The following MYO3B variants were observed in gnomAD, a reference collection of about 807,000 sequenced individuals.
The protein encoded by MYO3B is myosin-IIIb.
A neutral mutation model predicts 174.6 loss-of-function variants in MYO3B; 156 were observed. The observed-to-expected ratio is 0.89, with a 90% confidence interval of 0.78 to 1.02. The LOEUF (loss-of-function observed/expected upper bound fraction) is 1.02. MYO3B is among the 50% of genes least tolerant of loss of function. MYO3B has a pLI of 0.00. For synonymous variants in MYO3B, 563 were observed against 569.1 expected (o/e 0.99, Z 0.15); for missense variants, 1,632 against 1,639.4 (o/e 1.00, Z 0.08).
Position 170,407,834 on chromosome 2 carries a change from G to A in MYO3B, c.2640G>A (p.Leu880=), listed in dbSNP as rs931055560. Residue 880 remains leucine, a synonymous_variant, in exon 22 of 35, where the codon CTG becomes CTA. Transcript: ENST00000408978. ...KLLQQLFSIP[L]TKTGNLAQTR... ...TTCAGCAGCTCTTCTCAATCCCTCT[G>A]ACCAAAACAGGTACTTGGGAACCCT... 1.9e-6 allele frequency: 3 copies of A among 1,613,830 alleles called. No homozygotes were observed. The African/African-American group carries it at 4.0e-5, about 22-fold the overall frequency.
chr2:170,408,040 A>C (rs1558971995), intron 22 of MYO3B, among the ~76,000 whole-genome samples, 196 bp downstream of exon 22: 1 of 152,262 alleles, frequency 6.6e-6, no homozygotes, highest in African/African-American at 2.4e-5. Flanking sequence ...CCGTGTGTAC[A>C]CAGACACGTG....
intron 6 of MYO3B, 33 bp downstream of exon 6, chr2:170,217,428 C>T (rs757831093): frequency 2.6e-6 from 4 of 1,555,592 alleles, no homozygotes; most frequent in Non-Finnish European, 3.5e-6. Flanking sequence ...TTTCTTTGCA[C>T]TTGTTGAATG....
chr2:170,252,796 G>A (rs1202941786), intron 7 of MYO3B, among the ~76,000 whole-genome samples: 1 of 152,148 alleles, frequency 6.6e-6, no homozygotes, highest in African/African-American at 2.4e-5. Flanking sequence ...ATGTCTCAAG[G>A]GAATAAGGGA....
intron 32 of MYO3B, among the ~76,000 whole-genome samples, chr2:170,620,420 C>T (rs932944650): frequency 1.3e-5 from 2 of 152,204 alleles, no homozygotes; most frequent in Admixed American, 1.3e-4. Flanking sequence ...GGCAAGTCAT[C>T]AAATCTCTCT....
intron 8 of MYO3B, among the ~76,000 whole-genome samples, chr2:170,342,528 T>C (rs113400613): frequency 1.1e-3 from 100 of 95,144 alleles, no homozygotes; most frequent in African/African-American, 3.1e-3. Context: ...ACTGGCTGTG[T>C]AATCTTGGAA....
At chr2:170,601,608 A>G in intron 32 of MYO3B, 3 of 1,207,318 alleles carry the variant, frequency 2.5e-6, no homozygotes, top group Admixed American at 3.4e-5. Flanking sequence ...GCTAGAACCA[A>G]CTTATTCATC....
At chr2:170,558,317 T>G (rs1199193616) in intron 32 of MYO3B, among the ~76,000 whole-genome samples, 1 of 147,172 alleles carries the variant, frequency 6.8e-6, no homozygotes, top group Non-Finnish European at 1.5e-5. Flanking sequence ...AAAAAAAAAA[T>G]GCTTAAAACG....
chr2:170,605,702 C>CA (rs1293450815), intron 32 of MYO3B, among the ~76,000 whole-genome samples: 14 of 151,810 alleles, frequency 9.2e-5, no homozygotes, highest in Admixed American at 6.6e-4. Flanking sequence ...ACTAAAAATA[C>CA]AAAAAAAATT....
intron 32 of MYO3B, among the ~76,000 whole-genome samples, chr2:170,552,955 C>T (rs1371414085): frequency 1.3e-5 from 2 of 152,152 alleles, no homozygotes; most frequent in Non-Finnish European, 2.9e-5. Flanking sequence ...TTGCTTCAAG[C>T]CCCAAGCCTT....
chr2:170,449,291 G>A (rs563633067), intron 23 of MYO3B, among the ~76,000 whole-genome samples: 1 of 152,282 alleles, frequency 6.6e-6, no homozygotes, highest in African/African-American at 2.4e-5. Context: ...AGTTTCTCCA[G>A]TTGTGCCCTG....
In MYO3B at chr2:170,323,595, C is replaced by A. The variant is rs531151764; in HGVS notation, c.750-11790C>A. On this transcript the variant is annotated intron_variant, in intron 7 of 34. Coordinates refer to ENST00000408978, the MANE Select transcript of MYO3B (RefSeq NM_138995.5). Reference sequence around the variant, plus strand: ...GTGGACTTTGGAATTGGGCTGCCTGCATTTGAAGCTCGGCCGCACCATTAC... The same window carrying A: ...GTGGACTTTGGAATTGGGCTGCCTGAATTTGAAGCTCGGCCGCACCATTAC... Among the ~76,000 whole-genome samples the A allele has an allele frequency of 1.4e-4, 21 of 152,288 alleles. No homozygotes were observed. The South Asian group carries it at 3.5e-3, about 26-fold the overall frequency.
chr2:170,310,457 GT>G (rs1175658689), intron 7 of MYO3B, among the ~76,000 whole-genome samples: 1 of 152,146 alleles, frequency 6.6e-6, no homozygotes, highest in East Asian at 1.9e-4. Flanking sequence ...GAGGTCAGGA[GT>G]TTGAGACCAG....
At position 170,423,070 on chromosome 2, in the gene MYO3B, C is replaced by T. The variant is rs187665283; in HGVS notation, c.2650+15226C>T. ...GATCTCAGCTCACTGCAACCTCCGC[C>T]CCCCAGGTTCAAGTGATTCTCCTGC... On this transcript the variant is annotated intron_variant, in intron 22 of 34. Coordinates refer to ENST00000408978, the MANE Select transcript of MYO3B (RefSeq NM_138995.5). 9.1e-4 allele frequency among the ~76,000 whole-genome samples: 137 copies of T among 150,406 alleles called. 1 individual carries two copies. Among genetic ancestry groups the T allele is most frequent in the African/African-American group, 2.6e-3 (108 of 40,864 alleles).
intron 25 of MYO3B, among the ~76,000 whole-genome samples, chr2:170,480,276 CAG>C (rs939636295): frequency 1.3e-5 from 2 of 152,112 alleles, no homozygotes; most frequent in African/African-American, 2.4e-5. Context: ...AGACCCTCCC[CAG>C]AGAGGGTCCC....
intron 7 of MYO3B, among the ~76,000 whole-genome samples, chr2:170,288,952 T>C (rs1364867279): frequency 6.6e-6 from 1 of 152,180 alleles, no homozygotes; most frequent in Admixed American, 6.5e-5. Context: ...TTTTTCAGCA[T>C]CTATTGAAAC....
chr2:170,392,910 G>A, intron 16 of MYO3B, among the ~76,000 whole-genome samples: 1 of 151,478 alleles, frequency 6.6e-6, no homozygotes, highest in East Asian at 1.9e-4. Context: ...GTGAACGGGG[G>A]GTAGGAGTAC....
chr2:170,559,919 T>G (rs1490013384), intron 32 of MYO3B, among the ~76,000 whole-genome samples: 2 of 152,128 alleles, frequency 1.3e-5, no homozygotes, highest in Non-Finnish European at 2.9e-5. Context: ...AGAATGTGTG[T>G]GTGTTTGTCT....
intron 23 of MYO3B, among the ~76,000 whole-genome samples, chr2:170,448,101 T>G (rs914923091): frequency 3.3e-5 from 5 of 152,184 alleles, no homozygotes; most frequent in Admixed American, 6.5e-5. Context: ...TACCATAATT[T>G]CTAATCTTGT....
rs556666877 is a variant in MYO3B at position 170,460,021 on chromosome 2, G to A, written c.2731-3347G>A. Among the ~76,000 whole-genome samples the A allele has an allele frequency of 9.9e-5, 15 of 152,096 alleles. No individual in the cohort carries two copies. In the South Asian group the frequency reaches 2.9e-3, roughly 29 times the overall value. On this transcript the variant is annotated intron_variant, in intron 23 of 34. Coordinates refer to ENST00000408978, the MANE Select transcript of MYO3B (RefSeq NM_138995.5). The stretch of plus-strand genomic sequence containing the variant: ...CGTACCTCTCCCTCTTTACCTCCCC[G>A]CAAGCAGAAGGAGCCAGCTCCGCCC...
Sources: gnomAD v4.1 joint callset for allele counts (sites outside exome capture counted in the v4.1 genomes callset) on GRCh38, gnomAD v4.1.1 for gene constraint, MANE v1.5 for transcripts, NCBI Gene and HGNC (gene_info 2026-07-23, HGNC 2026-07-21) for gene names.